Variants in VWA3B observed in about 807,000 individuals in gnomAD.
VWA3B encodes von Willebrand factor A domain-containing protein 3B.
VWA3B carries 138 observed loss-of-function variants against 158.3 expected under a neutral mutation model. That is an observed-to-expected ratio of 0.87 (90% CI 0.76 to 1.00). The LOEUF is 1.00. VWA3B is among the 50% of genes least tolerant of loss of function. The pLI, the probability that VWA3B is intolerant of heterozygous loss-of-function variation, is 0.00. For missense variants in VWA3B, 1,555 were observed against 1,565.1 expected (o/e 0.99, Z 0.11); for synonymous variants, 596 against 587.3 (o/e 1.01, Z -0.21).
chr2:98,181,102 GCCCAGAAGCTATC>G lies in VWA3B; in HGVS notation c.1203_1215del (p.Gln402CysfsTer19). 6.2e-7 allele frequency: 1 copy of G among 1,614,202 alleles called. No individual in the cohort carries two copies. Among genetic ancestry groups the G allele is most frequent in the Non-Finnish European group, 8.5e-7 (1 of 1,180,040 alleles). On this transcript the variant is annotated frameshift_variant, in exon 9 of 28. Transcript: ENST00000477737. LOFTEE classifies it high-confidence loss of function. ...ATGGCTGCAGAAATATGGCTTGAAG[GCCCAGAAGCTATC>G]CTTGTATGATGTGCTTGCCGACTGC... is the stretch of plus-strand genomic sequence containing the variant.
At chr2:98,138,876 C>T (rs1039157486) in intron 7 of VWA3B, among the ~76,000 whole-genome samples, 4 of 152,258 alleles carry the variant, frequency 2.6e-5, no homozygotes, top group Non-Finnish European at 5.9e-5. Context: ...CTCAGTGCCT[C>T]CTCTGCCTGG....
intron 23 of VWA3B, chr2:98,290,872 A>G (rs530431448): frequency 5.5e-5 from 22 of 403,458 alleles, no homozygotes; most frequent in African/African-American, 4.2e-4. Context: ...ACAAATTTTT[A>G]TTACCCATTT....
chr2:98,247,418 A>G (rs544247319), intron 19 of VWA3B, among the ~76,000 whole-genome samples: 35 of 152,150 alleles, frequency 2.3e-4, no homozygotes, highest in Non-Finnish European at 4.6e-4. Flanking sequence ...AAATCTTGTC[A>G]CTGTGATTTA....
At chr2:98,282,518 A>C (rs1688943305) in intron 22 of VWA3B, among the ~76,000 whole-genome samples, 1 of 149,754 alleles carries the variant, frequency 6.7e-6, no homozygotes, top group East Asian at 2.0e-4. Context: ...GCTCACTGCA[A>C]CTTCCGCCTT....
chr2:98,316,343 T>C (rs1197656141), downstream of VWA3B, among the ~76,000 whole-genome samples: 2 of 152,188 alleles, frequency 1.3e-5, no homozygotes, highest in Non-Finnish European at 2.9e-5. Context: ...CAAAATCACA[T>C]GTCAAATTAT....
intron 2 of VWA3B, among the ~76,000 whole-genome samples, chr2:98,113,280 T>C (rs1674285930): frequency 6.6e-6 from 1 of 152,114 alleles, no homozygotes; most frequent in African/African-American, 2.4e-5. Context: ...CTTTGGTATA[T>C]GCAAACGATT....
At chr2:98,244,923 C>T (rs1443461443) in intron 19 of VWA3B, among the ~76,000 whole-genome samples, 1 of 152,110 alleles carries the variant, frequency 6.6e-6, no homozygotes, top group African/African-American at 2.4e-5. Flanking sequence ...CCAAACTGGC[C>T]TGTTCATGCA....
intron 25 of VWA3B, among the ~76,000 whole-genome samples, chr2:98,301,714 G>C (rs148705123): frequency 6.6e-6 from 1 of 152,134 alleles, no homozygotes; most frequent in African/African-American, 2.4e-5. Flanking sequence ...CTGTTGGATC[G>C]TTTGTCTTTT....
intron 11 of VWA3B, among the ~76,000 whole-genome samples, chr2:98,194,026 G>A (rs180938788): frequency 1.3e-5 from 2 of 152,160 alleles, no homozygotes; most frequent in East Asian, 1.9e-4. Flanking sequence ...CCAGCATATT[G>A]TATTTGGTGT....
chr2:98,135,664 G>C (rs1318124632), intron 7 of VWA3B, among the ~76,000 whole-genome samples: 1 of 152,194 alleles, frequency 6.6e-6, no homozygotes, highest in Non-Finnish European at 1.5e-5. Flanking sequence ...TAAAATGCTT[G>C]GCATGGATCG....
At chr2:98,152,596 T>G (rs1301218908) in intron 7 of VWA3B, among the ~76,000 whole-genome samples, 1 of 152,252 alleles carries the variant, frequency 6.6e-6, no homozygotes, top group East Asian at 1.9e-4. Flanking sequence ...GTTCTCTTCC[T>G]GTATATCCTT....
intron 19 of VWA3B, among the ~76,000 whole-genome samples, chr2:98,241,109 C>T (rs1035744043): frequency 5.3e-5 from 8 of 152,060 alleles, no homozygotes; most frequent in African/African-American, 1.9e-4. Flanking sequence ...CACCTGGCTT[C>T]AGTGGCCACA....
intron 1 of VWA3B, among the ~76,000 whole-genome samples, chr2:98,089,004 T>C (rs1189214822): frequency 1.3e-5 from 2 of 152,148 alleles, no homozygotes; most frequent in African/African-American, 4.8e-5. Context: ...TCCGCCCGCC[T>C]TGGCCTCCCA....
At chr2:98,280,936 C>T (rs1688842693) in intron 22 of VWA3B, among the ~76,000 whole-genome samples, 1 of 152,172 alleles carries the variant, frequency 6.6e-6, no homozygotes. Context: ...CTTCAGGGCT[C>T]ATGCAGGAAA....
intron 6 of VWA3B, 141 bp downstream of exon 6, chr2:98,128,549 G>A: frequency 1.2e-6 from 1 of 844,718 alleles, no homozygotes; most frequent in Non-Finnish European, 1.8e-6. Context: ...TAGTCTCTCT[G>A]CATCTTTTCT....
At chr2:98,281,611 A>G (rs1441724729) in intron 22 of VWA3B, among the ~76,000 whole-genome samples, 1 of 152,124 alleles carries the variant, frequency 6.6e-6, no homozygotes, top group Non-Finnish European at 1.5e-5. Flanking sequence ...TTACATGGAA[A>G]ATTTTAAAGC....
At chr2:98,168,366 T>TACACACATACAC (rs1299335759) in intron 8 of VWA3B, among the ~76,000 whole-genome samples, 8 of 107,682 alleles carry the variant, frequency 7.4e-5, no homozygotes, top group South Asian at 4.3e-4. Flanking sequence ...TTCAATCTAA[T>TACACACATACAC]ACACACACAT....
intron 8 of VWA3B, among the ~76,000 whole-genome samples, chr2:98,163,182 C>A (rs944668166): frequency 6.6e-6 from 1 of 152,008 alleles, no homozygotes; most frequent in Non-Finnish European, 1.5e-5. Context: ...TGTGTGCCCA[C>A]GTGCTCACAT....
intron 22 of VWA3B, among the ~76,000 whole-genome samples, chr2:98,275,848 A>G (rs1688490777): frequency 6.6e-6 from 1 of 152,208 alleles, no homozygotes; most frequent in African/African-American, 2.4e-5. Context: ...TGCAGTGGGT[A>G]GAAGGGTGGG....
Sources: gnomAD v4.1 joint callset for allele counts (sites outside exome capture counted in the v4.1 genomes callset) on GRCh38, gnomAD v4.1.1 for gene constraint, MANE v1.5 for transcripts, NCBI Gene and HGNC (gene_info 2026-07-23, HGNC 2026-07-21) for gene names.